CRLF1: variants seen among roughly 807,000 people sequenced by gnomAD.
The protein encoded by CRLF1 is cytokine receptor like factor 1.
In CRLF1, 36 loss-of-function variants were observed where a neutral mutation model predicts 48.9. The observed-to-expected ratio is 0.74, with a 90% CI of 0.56 to 0.97. The LOEUF is 0.97. CRLF1 is among the 50% of genes least tolerant of loss of function. The probability of loss-of-function intolerance (pLI) is 0.00; values close to 1 mark genes in which losing one functional copy is unlikely to be tolerated. For synonymous variants in CRLF1, 256 were observed against 253.4 expected, an observed-to-expected ratio of 1.01 and a Z score of -0.10; for missense variants, 534 against 575.1, an observed-to-expected ratio of 0.93 and a Z score of 0.73.
In CRLF1 at chr19:18,606,056, G is replaced by T. The variant is rs982765112; in HGVS notation, c.115+486C>A. On this transcript the variant is annotated intron_variant, in intron 1 of 8. Transcript: ENST00000392386. The surrounding 1 kb of genome is among the most constrained non-coding windows in gnomAD (Gnocchi z 4.8). ...CACAAGTCCCCCGGGACCCCGGGCTGCGCGCCAGGCGGCCAGAGCGGCCCC... is the reference window on the plus strand; with the variant it reads ...CACAAGTCCCCCGGGACCCCGGGCTTCGCGCCAGGCGGCCAGAGCGGCCCC... Among the ~76,000 whole-genome samples the T allele has an allele frequency of 1.3e-5, 2 of 151,636 alleles. No individual in the cohort carries two copies. The highest frequency in any genetic ancestry group is 3.0e-5 in the Non-Finnish European group (2 of 67,794).
At position 18,594,400 on chromosome 19, in the gene CRLF1, C is replaced by G; in HGVS notation, c.1059G>C (p.Pro353=). The change falls in exon 7 of 9, where the codon CCG becomes CCC. Residue 353 remains proline (P), a synonymous_variant. Coordinates refer to ENST00000392386, the MANE Select transcript of CRLF1 (RefSeq NM_004750.5). Reference sequence around the variant, plus strand: ...GCCCCGAGCTCGGCTCTCCGCCCCGCGGTTCGCACGCCCCGCCGCCCGGGC... The same window carrying G: ...GCCCCGAGCTCGGCTCTCCGCCCCGGGGTTCGCACGCCCCGCCGCCCGGGC... ...RPGPGGGACE[P]RGGEPSSGPV... is the part of the protein sequence containing the mutation. The G allele has an allele frequency of 1.3e-6, 2 of 1,564,392 alleles. 1 individual carries two copies. Among genetic ancestry groups the G allele is most frequent in the South Asian group, 2.3e-5 (2 of 86,814 alleles).
chr19:18,596,506 C>G, intron 6 of CRLF1, 116 bp downstream of exon 6: 2 of 1,278,186 alleles, frequency 1.6e-6, no homozygotes, highest in Non-Finnish European at 2.1e-6. Context: ...CACCACTATG[C>G]GACAGAATGA....
In CRLF1 at chr19:18,606,408, G is replaced by A; in HGVS notation, c.115+134C>T. ...GCCCCGCAGGTGAGGGCGCCCCGAG[G>A]GCTGCGCCGGGGGCGCCTTCCTTTG... On this transcript the variant is annotated intron_variant, in intron 1 of 8. Transcript: ENST00000392386. This position sits in a 1 kb window ranked among gnomAD's most constrained non-coding sequence, Gnocchi z 4.8. 1 of 660,368 alleles carries A rather than the reference G, an allele frequency of 1.5e-6. No individual in the cohort carries two copies. Among genetic ancestry groups the A allele is most frequent in the Non-Finnish European group, 1.9e-6 (1 of 524,594 alleles). 40.9% of individuals were successfully genotyped at this position (660,368 alleles called of 1,614,324 possible). A position where few individuals can be genotyped will look rare whatever the true frequency, so the allele number is the denominator to read the frequency against.
At chr19:18,594,032 T>TGGCGG in intron 8 of CRLF1, 33 bp downstream of exon 8, 1 of 695,810 alleles carries the variant, frequency 1.4e-6, no homozygotes. Flanking sequence ...CTCCCCTTGC[T>TGGCGG]CCCTCCCGCC....
At chr19:18,601,279 GT>G (rs58921623) in intron 1 of CRLF1, among the ~76,000 whole-genome samples, 3,064 of 142,878 alleles carry the variant, frequency 0.021, 109 homozygotes, top group African/African-American at 0.07. Context: ...AGAGCACCAT[GT>G]TTTTTTTTTT....
chr19:18,603,337 G>A (rs1244673094), intron 1 of CRLF1, among the ~76,000 whole-genome samples: 3 of 152,222 alleles, frequency 2.0e-5, no homozygotes, highest in African/African-American at 4.8e-5. Context: ...GGTGACCTTT[G>A]AGCAGAGACC....
At chr19:18,601,096 G>A (rs1351347092) in intron 1 of CRLF1, among the ~76,000 whole-genome samples, 2 of 152,212 alleles carry the variant, frequency 1.3e-5, no homozygotes, top group African/African-American at 4.8e-5. Context: ...ATGAGCTTCG[G>A]TGCCTAGCCT....
chr19:18,600,838 C>G (rs915940688), intron 1 of CRLF1, among the ~76,000 whole-genome samples: 1 of 152,034 alleles, frequency 6.6e-6, no homozygotes, highest in African/African-American at 2.4e-5. Flanking sequence ...GGGTCTCACT[C>G]TGTTGGCCAG....
chr19:18,598,878 T>C lies in CRLF1; in HGVS notation c.421A>G (p.Ile141Val). 6.2e-7 allele frequency: 1 copy of C among 1,613,882 alleles called. No homozygotes were observed. The highest frequency in any genetic ancestry group is 8.5e-7 in the Non-Finnish European group (1 of 1,179,958). Reference sequence around the variant, plus strand: ...TTCATGTTCTTGGACCAGCAGCTGATGTTGACGGGTTTCTCTGGGGGCACT... The same window carrying C: ...TTCATGTTCTTGGACCAGCAGCTGACGTTGACGGGTTTCTCTGGGGGCACT... ...VGLPPEKPVN[I>V]SCWSKNMKDL... Residue 141 changes from isoleucine (I) to valine (V), a missense_variant, in exon 3 of 9, where the codon ATC becomes GTC. This residue lies in a region of CRLF1 where 528 missense variants were observed against 555.7 expected (regional missense o/e 0.95). Transcript: ENST00000392386.
rs913539916 is a variant in CRLF1, at chr19:18,597,225, C to T, written c.698-176G>A. Among the ~76,000 whole-genome samples, 4 of 152,112 alleles carry T rather than the reference C, an allele frequency of 2.6e-5. No homozygotes were observed. The East Asian group carries it at 7.7e-4, about 29-fold the overall frequency. On this transcript the variant is annotated intron_variant, in intron 4 of 8. Transcript: ENST00000392386. ...CGATATATAATATTGGAGAAACACT[C>T]AGCACCTAATTAATGTTAGCTGTTA...
chr19:18,593,832 A>G, intron 8 of CRLF1: 1 of 985,434 alleles, frequency 1.0e-6, no homozygotes, highest in African/African-American at 1.7e-5. Context: ...TTCGGAGGAG[A>G]TTCCACTTCG....
intron 6 of CRLF1, among the ~76,000 whole-genome samples, chr19:18,596,331 G>A (rs958146683): frequency 4.6e-5 from 7 of 152,114 alleles, no homozygotes; most frequent in African/African-American, 1.7e-4. Flanking sequence ...CCGAGGTCAG[G>A]AGTTCGAGAC....
intron 6 of CRLF1, 65 bp from the exon 7 acceptor site, chr19:18,594,499 G>A: frequency 8.2e-7 from 1 of 1,215,000 alleles, no homozygotes; most frequent in East Asian, 3.4e-5. Context: ...GGCAGGAGAG[G>A]GGAGACCCCG....
At chr19:18,597,967 G>A (rs1420808361) in intron 4 of CRLF1, among the ~76,000 whole-genome samples, 1 of 152,150 alleles carries the variant, frequency 6.6e-6, no homozygotes, top group African/African-American at 2.4e-5. Context: ...TGAGGCCTTG[G>A]TGAGGGGCCT....
chr19:18,597,683 C>G (rs986977365), intron 4 of CRLF1, among the ~76,000 whole-genome samples: 3 of 152,050 alleles, frequency 2.0e-5, no homozygotes, highest in Non-Finnish European at 4.4e-5. Context: ...CCGCCCGCCT[C>G]GGCCTCCCAA....
At chr19:18,598,220 C>A (rs1001027212) in intron 4 of CRLF1, among the ~76,000 whole-genome samples, 1 of 152,136 alleles carries the variant, frequency 6.6e-6, no homozygotes, top group African/African-American at 2.4e-5. Flanking sequence ...GTGGGGGTAT[C>A]CTGGCTGTTT....
In CRLF1 at chr19:18,593,456, C is replaced by T; in HGVS notation, c.*110G>A. ...TGGAGCTCAGGGGCCACCCCAGCTC[C>T]TGCTGAGGGTGGCTCAGGTGCCCTG... On this transcript the variant is annotated 3_prime_UTR_variant, in exon 9 of 9. Coordinates refer to ENST00000392386, the MANE Select transcript of CRLF1 (RefSeq NM_004750.5). 6.7e-7 allele frequency: 1 copy of T among 1,502,442 alleles called. No individual in the cohort carries two copies. Among genetic ancestry groups the T allele is most frequent in the Non-Finnish European group, 9.1e-7 (1 of 1,101,574 alleles). 93.1% of individuals were successfully genotyped at this position (1,502,442 alleles called of 1,614,324 possible). A position where few individuals can be genotyped will look rare whatever the true frequency, so the allele number is the denominator to read the frequency against.
At position 18,598,709 on chromosome 19, in the gene CRLF1, C is replaced by T. The variant is rs142312755; in HGVS notation, c.527+63G>A. On this transcript the variant is annotated intron_variant, in intron 3 of 8. Coordinates refer to ENST00000392386, the MANE Select transcript of CRLF1 (RefSeq NM_004750.5). ...AACACATGGGGGCTCAGAGAGGGTC[C>T]GCGTTGGTCAAGGTCACGCAGCCAG... is the stretch of plus-strand genomic sequence containing the variant. 13,535 of 1,613,716 alleles carry T rather than the reference C, an allele frequency of 8.4e-3. 86 individuals carry two copies. Among genetic ancestry groups the T allele is most frequent in the Middle Eastern group, 0.012 (70 of 6,060 alleles).
intron 2 of CRLF1, 97 bp from the exon 3 acceptor site, chr19:18,598,998 G>A: frequency 6.4e-7 from 1 of 1,568,794 alleles, no homozygotes; most frequent in Non-Finnish European, 8.6e-7. Flanking sequence ...CCCCACCTTG[G>A]AGTGGAAGGA....
Sources: allele counts gnomAD v4.1 joint callset (sites outside exome capture counted in the v4.1 genomes callset), GRCh38; gene constraint gnomAD v4.1.1; regional missense constraint gnomAD v4.1.1; non-coding constraint Gnocchi (gnomAD v3.1); transcripts MANE v1.5; gene names NCBI Gene and HGNC (gene_info 2026-07-23, HGNC 2026-07-21).